The following ASCC3 variants were observed in gnomAD, a reference collection of about 807,000 sequenced individuals.
ASCC3 encodes the protein activating signal cointegrator 1 complex subunit 3.
Under a neutral mutation model 256.3 loss-of-function variants are expected in ASCC3, and 158 were observed. That is an observed-to-expected ratio of 0.62 (90% CI 0.54 to 0.70). ASCC3 has a LOEUF of 0.70. Ranked by LOEUF, ASCC3 falls within the 30% of genes least tolerant of loss-of-function variation. ASCC3 has a pLI of 0.00. For synonymous variants in ASCC3, 948 were observed against 883.4 expected, an observed-to-expected ratio of 1.07 and a Z score of -1.30; for missense variants, 2,259 against 2,626.0, an observed-to-expected ratio of 0.86 and a Z score of 3.05.
chr6:100,581,003 C>G (rs1295203084), intron 36 of ASCC3, among the ~76,000 whole-genome samples: 1 of 152,072 alleles, frequency 6.6e-6, no homozygotes, highest in Non-Finnish European at 1.5e-5. Context: ...TGGCTTGGTT[C>G]CAAGTCTTTG....
intron 10 of ASCC3, among the ~76,000 whole-genome samples, chr6:100,732,979 A>G (rs141489814): frequency 6.6e-6 from 1 of 152,348 alleles, no homozygotes; most frequent in East Asian, 1.9e-4. Flanking sequence ...AGATCAAGGA[A>G]CAATTATTTG....
intron 15 of ASCC3, 32 bp downstream of exon 15, chr6:100,662,313 A>C: frequency 1.2e-6 from 2 of 1,603,456 alleles, no homozygotes; most frequent in African/African-American, 1.3e-5. Context: ...GACACACACA[A>C]AATCCATTTA....
chr6:100,618,016 G>C (rs540464448), intron 30 of ASCC3, among the ~76,000 whole-genome samples: 1 of 152,282 alleles, frequency 6.6e-6, no homozygotes, highest in South Asian at 2.1e-4. Context: ...GAAAGTCTTA[G>C]ATATACAAAC....
rs2114594232 is a variant in ASCC3 at position 100,508,906 on chromosome 6, T to G, written c.*480A>C. ...TTGAAGCTACTTCTACATGTGATCA[T>G]ATCAAAGTATAAATTTTGCTAACAA... On this transcript the variant is annotated 3_prime_UTR_variant, in exon 42 of 42. Coordinates refer to ENST00000369162, the MANE Select transcript of ASCC3 (RefSeq NM_006828.4). 1 of 167,726 alleles carries G rather than the reference T, an allele frequency of 6.0e-6. No individual in the cohort carries two copies. The highest frequency in any genetic ancestry group is 1.3e-5 in the Non-Finnish European group (1 of 77,214). The allele number at this position is 167,726 out of a possible 1,614,324, so 10.4% of individuals were successfully genotyped here.
intron 10 of ASCC3, among the ~76,000 whole-genome samples, chr6:100,761,947 A>C (rs1781440644): frequency 6.6e-6 from 1 of 152,220 alleles, no homozygotes; most frequent in Non-Finnish European, 1.5e-5. Context: ...TAATCAATAG[A>C]CTACATACCA....
chr6:100,562,534 T>C lies in ASCC3; in HGVS notation c.5551-22147A>G, dbSNP rs182735180. ...ACAAACATAAATATCTATTAGAGTA[T>C]GCATATAGGTCTGTATAAAAACAAA... On this transcript the variant is annotated intron_variant, in intron 36 of 41. Transcript: ENST00000369162. Among the ~76,000 whole-genome samples, 1,327 of 152,208 alleles carry C rather than the reference T, an allele frequency of 8.7e-3. 13 individuals carry two copies. The highest frequency in any genetic ancestry group is 0.013 in the Non-Finnish European group (876 of 67,954).
intron 30 of ASCC3, among the ~76,000 whole-genome samples, chr6:100,614,843 ATTT>A (rs1773584989): frequency 6.6e-6 from 1 of 152,152 alleles, no homozygotes; most frequent in Admixed American, 6.5e-5. Context: ...TTATAAATCT[ATTT>A]TTTATTAATT....
intron 8 of ASCC3, among the ~76,000 whole-genome samples, chr6:100,791,155 T>C (rs898237271): frequency 1.5e-4 from 23 of 151,888 alleles, no homozygotes; most frequent in African/African-American, 5.6e-4. Flanking sequence ...TTTTTAAACA[T>C]ATTAAGCATC....
At chr6:100,864,933 C>G (rs1189618819) in intron 2 of ASCC3, among the ~76,000 whole-genome samples, 1 of 152,138 alleles carries the variant, frequency 6.6e-6, no homozygotes, top group East Asian at 1.9e-4. Context: ...TATTTCAGAC[C>G]TCTGGCTTTG....
At chr6:100,519,197 T>TA (rs1774181244) in intron 37 of ASCC3, among the ~76,000 whole-genome samples, 1 of 152,086 alleles carries the variant, frequency 6.6e-6, no homozygotes, top group Non-Finnish European at 1.5e-5. Flanking sequence ...AGTGAAAGTT[T>TA]AAAAAACATC....
At chr6:100,551,908 G>C (rs1769320480) in intron 36 of ASCC3, among the ~76,000 whole-genome samples, 1 of 151,886 alleles carries the variant, frequency 6.6e-6, no homozygotes, top group South Asian at 2.1e-4. Flanking sequence ...TAGATCTCTA[G>C]GGTGGGCATG....
chr6:100,635,955 G>A (rs753890605), intron 25 of ASCC3, among the ~76,000 whole-genome samples: 1 of 152,102 alleles, frequency 6.6e-6, no homozygotes, highest in Non-Finnish European at 1.5e-5. Flanking sequence ...CCTATGAAGT[G>A]GGTTTCTCAC....
intron 10 of ASCC3, among the ~76,000 whole-genome samples, chr6:100,735,347 T>C (rs1228352913): frequency 6.6e-6 from 1 of 152,224 alleles, no homozygotes; most frequent in East Asian, 1.9e-4. Context: ...ACACTGTAGG[T>C]TTCCCTGCAT....
chr6:100,875,637 C>G (rs1773963356), intron 1 of ASCC3, among the ~76,000 whole-genome samples: 1 of 152,032 alleles, frequency 6.6e-6, no homozygotes, highest in Non-Finnish European at 1.5e-5. Flanking sequence ...TGGAAGTAGA[C>G]AGTAGAGAGT....
chr6:100,706,371 G>A (rs1048499440), intron 13 of ASCC3, among the ~76,000 whole-genome samples: 5 of 150,348 alleles, frequency 3.3e-5, no homozygotes, highest in East Asian at 2.0e-4. Context: ...CTATTCTACC[G>A]GGAAGTTCTT....
In ASCC3 at chr6:100,623,317, C is replaced by T. The variant is rs561005304; in HGVS notation, c.4785+1875G>A. ...GATAAAATTTAAAAGATAAAATGAT[C>T]GCTATTACTCTACTTCAAGCAGTCA... On this transcript the variant is annotated intron_variant, in intron 30 of 41. Transcript: ENST00000369162. Among the ~76,000 whole-genome samples the T allele has an allele frequency of 9.9e-5, 15 of 152,138 alleles. No homozygotes were observed. The South Asian group carries it at 1.9e-3, about 19-fold the overall frequency.
At chr6:100,741,115 G>C (rs1265995155) in intron 10 of ASCC3, among the ~76,000 whole-genome samples, 1 of 152,174 alleles carries the variant, frequency 6.6e-6, no homozygotes, top group Non-Finnish European at 1.5e-5. Flanking sequence ...CTCTGAAAAG[G>C]ATCTTCTTTC....
At chr6:100,589,185 G>T (rs888212752) in intron 36 of ASCC3, among the ~76,000 whole-genome samples, 1 of 152,072 alleles carries the variant, frequency 6.6e-6, no homozygotes, top group Non-Finnish European at 1.5e-5. Flanking sequence ...GGGGATGGGG[G>T]ATAAACAGCT....
Position 100,651,629 on chromosome 6 carries a change from A to G in ASCC3, c.3006T>C (p.Phe1002=), listed in dbSNP as rs747968430. ...TATCACCTTCTGTTTTGTGAGCATCAAAGAGTTCATTAAAGGTCTACCAAA... is the reference window on the plus strand; with the variant it reads ...TATCACCTTCTGTTTTGTGAGCATCGAAGAGTTCATTAAAGGTCTACCAAA... ...YNTIETFNEL[F]DAHKTEGDIF... Residue 1002 remains phenylalanine (F), a synonymous_variant, in exon 19 of 42, where the codon TTT becomes TTC. Transcript: ENST00000369162. 155 of 1,581,140 alleles carry G rather than the reference A, an allele frequency of 9.8e-5. No homozygotes were observed. Among genetic ancestry groups the G allele is most frequent in the Non-Finnish European group, 1.3e-4 (151 of 1,160,174 alleles).
Sources: gnomAD v4.1 joint callset for allele counts (sites outside exome capture counted in the v4.1 genomes callset) on GRCh38, gnomAD v4.1.1 for gene constraint, MANE v1.5 for transcripts, NCBI Gene and HGNC (gene_info 2026-07-23, HGNC 2026-07-21) for gene names.